KPNA7: variants seen among roughly 807,000 people sequenced by gnomAD.
KPNA7 encodes karyopherin subunit alpha 7.
KPNA7 carries 54 observed loss-of-function variants against 53.7 expected under a neutral mutation model. The observed-to-expected ratio is 1.01, with a 90% CI of 0.81 to 1.26. KPNA7 has a LOEUF of 1.26. Ranked by LOEUF, KPNA7 falls within the 50% of genes most tolerant of loss-of-function variation. KPNA7 has a pLI of 0.00. For synonymous variants in KPNA7, 276 were observed against 259.3 expected (o/e 1.06, Z -0.62); for missense variants, 640 against 644.5 (o/e 0.99, Z 0.07).
At chr7:99,215,570 G>C (rs1402530720) in intron 1 of KPNA7, among the ~76,000 whole-genome samples, 1 of 149,808 alleles carries the variant, frequency 6.7e-6, no homozygotes, top group African/African-American at 2.5e-5. Flanking sequence ...CAAACCCAGC[G>C]GCAGAGCAGA....
At chr7:99,163,736 T>C in the KPNA7 span, among the ~76,000 whole-genome samples, 2 of 152,102 alleles carry the variant, frequency 1.3e-5, no homozygotes, top group Non-Finnish European at 2.9e-5. Flanking sequence ...CATTATTTAA[T>C]GTAAAAATTC....
At chr7:99,213,582 C>G (rs974650843) in intron 1 of KPNA7, among the ~76,000 whole-genome samples, 2 of 151,814 alleles carry the variant, frequency 1.3e-5, no homozygotes, top group African/African-American at 2.4e-5. Context: ...TAGCTGGGAC[C>G]ACAGGAACAA....
At chr7:99,207,525 C>T (rs1790876964) in intron 1 of KPNA7, 36 bp from the exon 2 acceptor site, 2 of 1,116,060 alleles carry the variant, frequency 1.8e-6, no homozygotes, top group South Asian at 1.3e-5. Flanking sequence ...ATTTTCAGTG[C>T]CCATTGTGTG....
intron 3 of KPNA7, among the ~76,000 whole-genome samples, chr7:99,197,269 A>C (rs992668852): frequency 6.6e-6 from 1 of 152,210 alleles, no homozygotes; most frequent in Admixed American, 6.5e-5. Flanking sequence ...AACCAAGCAG[A>C]CACTGCAGCA....
Position 99,181,932 on chromosome 7 carries a change from T to C in KPNA7, c.1268A>G (p.Asp423Gly), listed in dbSNP as rs1197750819. The change falls in exon 9 of 11, where the codon GAT (aspartate) becomes GGT (glycine). Residue 423 changes from aspartate (D) to glycine (G), a missense_variant. Asp to Gly is a moderately conservative substitution (Grantham distance 94). Coordinates refer to ENST00000327442, the MANE Select transcript of KPNA7 (RefSeq NM_001145715.3). ...EPLVNLLTAP[D>G]VKIVLIILDV... is the part of the protein sequence containing the mutation. ...AAGGATGATGAGAACAATTTTAACA[T>C]CTGGGGCAGTGAGCAGATTCACCAG... The C allele has an allele frequency of 1.3e-6, 2 of 1,551,288 alleles. No individual in the cohort carries two copies. Among genetic ancestry groups the C allele is most frequent in the African/African-American group, 2.7e-5 (2 of 73,040 alleles).
the KPNA7 span, among the ~76,000 whole-genome samples, chr7:99,166,449 G>A: frequency 6.6e-6 from 1 of 152,020 alleles, no homozygotes; most frequent in Non-Finnish European, 1.5e-5. Context: ...TGAGTAGCTG[G>A]GATTACAGGT....
In KPNA7 at chr7:99,178,398, G is replaced by A. The variant is rs190842158; in HGVS notation, c.1318-332C>T. 1.3e-4 allele frequency among the ~76,000 whole-genome samples: 20 copies of A among 151,976 alleles called. No individual in the cohort carries two copies. In the East Asian group the frequency reaches 3.9e-3, roughly 29 times the overall value. ...AGCCTGGCCAACATGGTGAAACCTCGTCTCTACTAAAAATACAAAAATTAG... is the reference window on the plus strand; with the variant it reads ...AGCCTGGCCAACATGGTGAAACCTCATCTCTACTAAAAATACAAAAATTAG... On this transcript the variant is annotated intron_variant, in intron 9 of 10. Transcript: ENST00000327442.
chr7:99,180,553 G>C (rs1213808120), intron 9 of KPNA7, among the ~76,000 whole-genome samples: 1,648 of 46,050 alleles, frequency 0.036, 38 homozygotes, highest in African/African-American at 0.091. Context: ...GTCTCCGTCT[G>C]TCTCTGTCTC....
intron 1 of KPNA7, among the ~76,000 whole-genome samples, 60 bp downstream of exon 1, chr7:99,207,968 G>A (rs1345421392): frequency 6.6e-6 from 1 of 151,780 alleles, no homozygotes; most frequent in African/African-American, 2.4e-5. Context: ...GAGAAGCTGA[G>A]TGAGAGTTAG....
the KPNA7 span, among the ~76,000 whole-genome samples, chr7:99,146,598 G>C: frequency 6.6e-6 from 1 of 151,676 alleles, no homozygotes; most frequent in South Asian, 2.1e-4. Flanking sequence ...TGTAGTCCCA[G>C]CTACTCGGGA....
intron 1 of KPNA7, among the ~76,000 whole-genome samples, chr7:99,215,171 A>G (rs1395657969): frequency 1.3e-5 from 2 of 151,914 alleles, no homozygotes; most frequent in Non-Finnish European, 2.9e-5. Context: ...CAGGAGTTCG[A>G]GACCAGCTTG....
the KPNA7 span, among the ~76,000 whole-genome samples, chr7:99,165,242 C>T: frequency 6.6e-6 from 1 of 151,534 alleles, no homozygotes; most frequent in African/African-American, 2.4e-5. Flanking sequence ...CTACCAATGA[C>T]AGGCCCTACT....
chr7:99,161,032 C>T, the KPNA7 span, among the ~76,000 whole-genome samples: 9 of 152,012 alleles, frequency 5.9e-5, no homozygotes, highest in African/African-American at 1.9e-4. Context: ...GGCTTATTTT[C>T]GTATATTTTA....
At position 99,187,828 on chromosome 7, in the gene KPNA7, A is replaced by C. The variant is rs868639994; in HGVS notation, c.900+472T>G. Among the ~76,000 whole-genome samples, 298 of 93,144 alleles carry C rather than the reference A, an allele frequency of 3.2e-3. 1 individual carries two copies. The highest frequency in any genetic ancestry group is 8.0e-3 in the African/African-American group (267 of 33,316). 61.1% of individuals were successfully genotyped at this position (93,144 alleles called of 152,430 possible). ...AAAAAAAAAAAAAAAAAAAAAAAAA[A>C]AAAAAAACCCACTAGGATTTGACAT... On this transcript the variant is annotated intron_variant, in intron 7 of 10. Coordinates refer to ENST00000327442, the MANE Select transcript of KPNA7 (RefSeq NM_001145715.3).
intron 4 of KPNA7, 105 bp from the exon 5 acceptor site, chr7:99,195,443 C>G: frequency 9.5e-7 from 1 of 1,057,184 alleles, no homozygotes. Flanking sequence ...AATCTCAGCA[C>G]TTTGGGAGAC....
the KPNA7 span, among the ~76,000 whole-genome samples, chr7:99,161,808 G>T: frequency 3.9e-5 from 6 of 152,226 alleles, no homozygotes; most frequent in African/African-American, 1.4e-4. Context: ...TGACAGAAAA[G>T]AATCCACAAA....
At chr7:99,200,552 T>G (rs1265540619) in intron 3 of KPNA7, among the ~76,000 whole-genome samples, 1 of 152,166 alleles carries the variant, frequency 6.6e-6, no homozygotes, top group East Asian at 1.9e-4. Context: ...TGAAACAGGC[T>G]TAGTTCATAA....
At chr7:99,197,887 G>A (rs1790310088) in intron 3 of KPNA7, among the ~76,000 whole-genome samples, 1 of 152,100 alleles carries the variant, frequency 6.6e-6, no homozygotes, top group Non-Finnish European at 1.5e-5. Flanking sequence ...GGAAGGAGAA[G>A]AGGGAAAGAG....
At chr7:99,199,368 C>G (rs1790395576) in intron 3 of KPNA7, among the ~76,000 whole-genome samples, 1 of 152,120 alleles carries the variant, frequency 6.6e-6, no homozygotes, top group African/African-American at 2.4e-5. Flanking sequence ...CTACAGTAAT[C>G]AAACCTTTGT....
Sources: allele counts gnomAD v4.1 joint callset (sites outside exome capture counted in the v4.1 genomes callset), GRCh38; gene constraint gnomAD v4.1.1; transcripts MANE v1.5; gene names NCBI Gene and HGNC (gene_info 2026-07-23, HGNC 2026-07-21).